The following SDHAF4 variants were observed in gnomAD, a reference collection of about 807,000 sequenced individuals.
SDHAF4 encodes succinate dehydrogenase complex assembly factor 4.
A neutral mutation model predicts 14.3 loss-of-function variants in SDHAF4; 14 were observed. The ratio of observed to expected loss-of-function variants is 0.98; its 90% CI spans 0.65 to 1.53. The LOEUF is 1.53. Among genes scored for constraint, SDHAF4 ranks in the 40% most tolerant of loss-of-function variants. The pLI is 0.00. For missense variants in SDHAF4, 141 were observed against 129.3 expected (o/e 1.09, Z -0.44); for synonymous variants, 63 against 47.3 (o/e 1.33, Z -1.36).
At chr6:70,590,088 A>C (rs1311540881), downstream of SDHAF4, among the ~76,000 whole-genome samples, 6 of 152,108 alleles carry the variant, frequency 3.9e-5, no homozygotes, top group Non-Finnish European at 8.8e-5. Context: ...AAATACAAAA[A>C]CTAGCTGGGC....
At position 70,588,720 on chromosome 6, in the gene SDHAF4, T is replaced by G; in HGVS notation, c.323T>G (p.Phe108Cys). The G allele has an allele frequency of 6.3e-7, 1 of 1,587,600 alleles. No individual in the cohort carries two copies. Among genetic ancestry groups the G allele is most frequent in the Non-Finnish European group, 8.6e-7 (1 of 1,160,228 alleles). ...DWERKGRCID[F>C] ...GAACGAAAAGGACGCTGTATTGATT[T>G]TTAAGTCGCATATTCTTTAACTTCA... The change falls in exon 3 of 3, where the codon TTT (phenylalanine) becomes TGT (cysteine). Residue 108 changes from phenylalanine to cysteine, a missense_variant. Phe to Cys is a radical substitution (Grantham distance 205). Coordinates refer to ENST00000370474, the MANE Select transcript of SDHAF4 (RefSeq NM_145267.3).
At chr6:70,595,835 CAAA>C in the SDHAF4 span, among the ~76,000 whole-genome samples, 8 of 98,698 alleles carry the variant, frequency 8.1e-5, no homozygotes, top group Admixed American at 3.3e-4. Context: ...GACTCTATCT[CAAA>C]AAAAAAAAAA....
chr6:70,578,955 A>G (rs926391173), intron 1 of SDHAF4, among the ~76,000 whole-genome samples: 4 of 152,184 alleles, frequency 2.6e-5, no homozygotes, highest in African/African-American at 9.7e-5. Flanking sequence ...AACTGAGACT[A>G]CGGGTGCATG....
chr6:70,598,316 T>C, the SDHAF4 span, among the ~76,000 whole-genome samples: 1 of 152,128 alleles, frequency 6.6e-6, no homozygotes, highest in Admixed American at 6.6e-5. Context: ...GAGGCAGAGG[T>C]TGCAGTGAGC....
intron 2 of SDHAF4, among the ~76,000 whole-genome samples, chr6:70,586,120 T>C (rs758128574): frequency 2.6e-5 from 4 of 152,182 alleles, no homozygotes; most frequent in Admixed American, 1.3e-4. Context: ...CAGCAGAGAA[T>C]ACCCACCTTG....
chr6:70,583,215 C>A (rs187486604), intron 2 of SDHAF4, among the ~76,000 whole-genome samples: 1 of 152,148 alleles, frequency 6.6e-6, no homozygotes, highest in East Asian at 1.9e-4. Context: ...CGGGTTCAAG[C>A]GATTCTCCTG....
chr6:70,594,170 G>A (rs992950636), downstream of SDHAF4, among the ~76,000 whole-genome samples: 1 of 152,180 alleles, frequency 6.6e-6, no homozygotes, highest in East Asian at 1.9e-4. Context: ...TAAGACTTTG[G>A]ACTTTTGAGT....
chr6:70,569,503 C>G (rs1295879555), intron 1 of SDHAF4, among the ~76,000 whole-genome samples: 2 of 152,156 alleles, frequency 1.3e-5, no homozygotes, highest in East Asian at 1.9e-4. Context: ...CTCGGCCTAC[C>G]GAAGTGTTGG....
chr6:70,598,114 A>G, the SDHAF4 span, among the ~76,000 whole-genome samples: 1 of 152,218 alleles, frequency 6.6e-6, no homozygotes, highest in Admixed American at 6.5e-5. Flanking sequence ...GTCGTGGCTC[A>G]TAACTGTAAT....
downstream of SDHAF4, among the ~76,000 whole-genome samples, chr6:70,594,066 C>T (rs967066875): frequency 3.3e-5 from 5 of 152,120 alleles, no homozygotes; most frequent in Non-Finnish European, 7.3e-5. Flanking sequence ...ATTTTGCTCT[C>T]CTATTTTTCC....
At chr6:70,567,521 G>A (rs1802113156) in intron 1 of SDHAF4, 1 of 152,920 alleles carries the variant, frequency 6.5e-6, no homozygotes, top group Non-Finnish European at 1.5e-5. Context: ...AGGCAAATAA[G>A]TATAACGTAA....
chr6:70,574,968 A>G (rs1802233276), intron 1 of SDHAF4, among the ~76,000 whole-genome samples: 1 of 152,228 alleles, frequency 6.6e-6, no homozygotes, highest in Admixed American at 6.5e-5. Flanking sequence ...TTCTTTTCTC[A>G]GTATGTGAGC....
At chr6:70,594,621 A>T in the SDHAF4 span, among the ~76,000 whole-genome samples, 1 of 152,044 alleles carries the variant, frequency 6.6e-6, no homozygotes. Context: ...AGAAATAAAT[A>T]CCATTTTTCA....
At chr6:70,593,254 G>A (rs924193738), downstream of SDHAF4, among the ~76,000 whole-genome samples, 2 of 152,254 alleles carry the variant, frequency 1.3e-5, no homozygotes, top group African/African-American at 4.8e-5. Flanking sequence ...TTATTCTGCA[G>A]GCACACAGCA....
At chr6:70,571,859 G>A (rs1802183034) in intron 1 of SDHAF4, among the ~76,000 whole-genome samples, 1 of 151,598 alleles carries the variant, frequency 6.6e-6, no homozygotes, top group African/African-American at 2.4e-5. Context: ...AGTCAGTTTT[G>A]GTAAGTTAAC....
rs777846817 is a variant in SDHAF4 at position 70,588,710 on chromosome 6, T to C, written c.313T>C (p.Cys105Arg). The C allele has an allele frequency of 1.4e-5, 22 of 1,600,114 alleles. No individual in the cohort carries two copies. The highest frequency in any genetic ancestry group is 1.9e-5 in the Non-Finnish European group (22 of 1,170,748). Residue 105 changes from cysteine (C) to arginine (R), a missense_variant, in exon 3 of 3, where the codon TGT (cysteine) becomes CGT (arginine). Cys to Arg is a radical substitution (Grantham distance 180). Coordinates refer to ENST00000370474, the MANE Select transcript of SDHAF4 (RefSeq NM_145267.3). ...TGGAGATTGGGAACGAAAAGGACGC[T>C]GTATTGATTTTTAAGTCGCATATTC... is the stretch of plus-strand genomic sequence containing the variant. ...RYGDWERKGRCIDF is the reference protein window; with the variant it reads ...RYGDWERKGRRIDF
At chr6:70,574,193 T>G (rs1159408321) in intron 1 of SDHAF4, among the ~76,000 whole-genome samples, 2 of 151,916 alleles carry the variant, frequency 1.3e-5, no homozygotes, top group African/African-American at 4.8e-5. Flanking sequence ...TGGTGGCACA[T>G]GCCTGTAATC....
chr6:70,581,310 G>GC (rs1802319057), intron 2 of SDHAF4, among the ~76,000 whole-genome samples: 1 of 139,852 alleles, frequency 7.2e-6, no homozygotes, highest in Admixed American at 7.0e-5. Context: ...TTTTACCACA[G>GC]TAAAAAAAAA....
chr6:70,575,392 C>T (rs1044919535), intron 1 of SDHAF4, among the ~76,000 whole-genome samples: 4 of 151,534 alleles, frequency 2.6e-5, no homozygotes, highest in Non-Finnish European at 5.9e-5. Flanking sequence ...AAAAAAGGAC[C>T]CTCCTGGTCA....
Sources: gnomAD v4.1 joint callset for allele counts (sites outside exome capture counted in the v4.1 genomes callset) on GRCh38, gnomAD v4.1.1 for gene constraint, MANE v1.5 for transcripts, NCBI Gene and HGNC (gene_info 2026-07-23, HGNC 2026-07-21) for gene names.